The following GRK1 variants were observed in gnomAD, a reference collection of about 807,000 sequenced individuals.
GRK1 encodes rhodopsin kinase GRK1.
Under a neutral mutation model 41.7 loss-of-function variants are expected in GRK1, and 28 were observed. That is an observed-to-expected ratio of 0.67 (90% confidence interval 0.50 to 0.92). GRK1 has a LOEUF of 0.92. GRK1 is among the 40% of genes least tolerant of loss of function. The pLI is 0.00. For synonymous variants in GRK1, 327 were observed against 286.7 expected, an observed-to-expected ratio of 1.14 and a Z score of -1.42; for missense variants, 703 against 671.2, an observed-to-expected ratio of 1.05 and a Z score of -0.52.
intron 4 of GRK1, among the ~76,000 whole-genome samples, chr13:113,727,409 TCTGTGGCCTGTAGG>T (rs1412848447): frequency 2.0e-5 from 3 of 151,718 alleles, no homozygotes; most frequent in Non-Finnish European, 2.9e-5. Context: ...TGGTCTGTGA[TCTGTGGCCTGTAGG>T]CTGTGGCCTG....
At position 113,671,424 on chromosome 13, in the gene GRK1, G is replaced by C; in HGVS notation, c.828-75G>C. On this transcript the variant is annotated intron_variant, in intron 2 of 6. Coordinates refer to ENST00000335678, the MANE Select transcript of GRK1 (RefSeq NM_002929.3). The surrounding 1 kb of genome is among the most constrained non-coding windows in gnomAD (Gnocchi z 4.1). Reference sequence around the variant, plus strand: ...GCTGGCCGAGAGACATGGTTCTGAGGCCCCAGCTCTGTCTTTCCATGATTT... The same window carrying C: ...GCTGGCCGAGAGACATGGTTCTGAGCCCCCAGCTCTGTCTTTCCATGATTT... The C allele has an allele frequency of 1.3e-6, 1 of 764,114 alleles. No individual in the cohort carries two copies. The allele number at this position is 764,114 out of a possible 1,614,324, so 47.3% of individuals were successfully genotyped here. A position where few individuals can be genotyped will look rare whatever the true frequency, so the allele number is the denominator to read the frequency against.
At chr13:113,657,169 G>A in the GRK1 span, among the ~76,000 whole-genome samples, 1 of 152,148 alleles carries the variant, frequency 6.6e-6, no homozygotes, top group African/African-American at 2.4e-5. Context: ...CACAGGTGGG[G>A]CGGGCCTGGG....
At chr13:113,654,908 C>T in the GRK1 span, 1 of 1,614,218 alleles carries the variant, frequency 6.2e-7, no homozygotes, top group Admixed American at 1.7e-5. Context: ...CAGTCATCAC[C>T]ACGTAGAAGG....
At chr13:113,724,629 G>A (rs2140723407) in intron 4 of GRK1, among the ~76,000 whole-genome samples, 1 of 152,356 alleles carries the variant, frequency 6.6e-6, no homozygotes, top group African/African-American at 2.4e-5. Flanking sequence ...TCATGGCTGG[G>A]TTGCCATCTG....
chr13:113,667,609 T>TTCCTACAATC lies in GRK1; in HGVS notation c.224_233dup (p.Ala79ProfsTer21). On this transcript the variant is annotated frameshift_variant, in exon 1 of 7. Transcript: ENST00000335678. LOFTEE classifies it high-confidence loss of function. This position sits in a 1 kb window ranked among gnomAD's most constrained non-coding sequence, Gnocchi z 7.5. ...CATCGGCAAGAAGCTCTTTCAGCAG[T>TTCCTACAATC]TCCTACAATCGGCAGAGAAGCACCT... The TTCCTACAATC allele has an allele frequency of 6.2e-7, 1 of 1,613,502 alleles. No individual in the cohort carries two copies. The highest frequency in any genetic ancestry group is 8.5e-7 in the Non-Finnish European group (1 of 1,179,866).
chr13:113,659,501 A>G, the GRK1 span, among the ~76,000 whole-genome samples: 1 of 152,306 alleles, frequency 6.6e-6, no homozygotes, highest in African/African-American at 2.4e-5. Context: ...GATAATTTAG[A>G]GTTTGCAAAA....
the GRK1 span, chr13:113,652,967 A>G: frequency 6.2e-7 from 1 of 1,614,212 alleles, no homozygotes; most frequent in Non-Finnish European, 8.5e-7. Flanking sequence ...ATCTGCCGTG[A>G]ACTTGCAGGA....
rs2049935312 is a variant in GRK1, at chr13:113,731,285, G to A, written c.1136G>A (p.Gly379Glu). 11 of 1,537,134 alleles carry A rather than the reference G, an allele frequency of 7.2e-6. No individual in the cohort carries two copies. The highest frequency in any genetic ancestry group is 9.6e-6 in the Non-Finnish European group (11 of 1,146,872). The change falls in exon 5 of 7, where the codon GGG (glycine) becomes GAG (glutamate). Residue 379 changes from glycine (G) to glutamate (E), a missense_variant. Physicochemically the swap from Gly to Glu is moderately conservative, Grantham distance 98. Coordinates refer to ENST00000335678, the MANE Select transcript of GRK1 (RefSeq NM_002929.3). The surrounding 1 kb of genome is among the most constrained non-coding windows in gnomAD (Gnocchi z 5.6). Reference sequence around the variant, plus strand: ...TTCTCCGTGGACTACTTTGCCCTGGGGGTCACCCTGTATGAGATGATTGCG... The same window carrying A: ...TTCTCCGTGGACTACTTTGCCCTGGAGGTCACCCTGTATGAGATGATTGCG... ...YDFSVDYFAL[G>E]VTLYEMIAAR...
the GRK1 span, chr13:113,650,266 C>T: frequency 2.0e-5 from 15 of 764,762 alleles, no homozygotes; most frequent in Middle Eastern, 2.6e-4. This position sits in a 1 kb window ranked among gnomAD's most constrained non-coding sequence, Gnocchi z 5.0. Flanking sequence ...TTGGGAAACA[C>T]GCAGAACGTT....
At position 113,669,576 on chromosome 13, in the gene GRK1, A is replaced by G. The variant is rs2049842261; in HGVS notation, c.700-111A>G. ...AAGGCGCATTTAAAGCATGTTTGCG[A>G]CTGCTCCGTGGCTGTGTGCAGTGGG... On this transcript the variant is annotated intron_variant, in intron 1 of 6. Coordinates refer to ENST00000335678, the MANE Select transcript of GRK1 (RefSeq NM_002929.3). The G allele has an allele frequency of 3.8e-6, 5 of 1,332,368 alleles. No homozygotes were observed. The Admixed American group carries it at 8.9e-5, about 24-fold the overall frequency. 82.5% of individuals were successfully genotyped at this position (1,332,368 alleles called of 1,614,324 possible).
chr13:113,733,605 G>A lies in GRK1; in HGVS notation c.1396+520G>A, dbSNP rs377520052. On this transcript the variant is annotated intron_variant, in intron 6 of 6. Transcript: ENST00000335678. The stretch of plus-strand genomic sequence containing the variant: ...TGCATACGTGTGTGTGCATGTGTGC[G>A]CATGTGTATGTGTGTGCATACGTGT... Among the ~76,000 whole-genome samples the A allele has an allele frequency of 6.5e-3, 980 of 150,162 alleles. 12 individuals are homozygous for A. Among genetic ancestry groups the A allele is most frequent in the African/African-American group, 0.022 (899 of 40,428 alleles).
the GRK1 span, chr13:113,649,492 A>T: frequency 2.6e-6 from 4 of 1,551,052 alleles, no homozygotes; most frequent in African/African-American, 5.5e-5. The surrounding 1 kb of genome is among the most constrained non-coding windows in gnomAD (Gnocchi z 4.7). Flanking sequence ...GTTCCTGGGG[A>T]TGTTGAGGAG....
At chr13:113,723,278 A>C in intron 4 of GRK1, 121 bp downstream of exon 4, 2 of 524,998 alleles carry the variant, frequency 3.8e-6, no homozygotes, top group Non-Finnish European at 7.1e-6. Flanking sequence ...GTCTGTGTGC[A>C]CATGGGCGTC....
upstream of GRK1, among the ~76,000 whole-genome samples, chr13:113,665,251 G>A (rs1354355306): frequency 5.3e-5 from 8 of 152,150 alleles, no homozygotes; most frequent in East Asian, 1.9e-4. Flanking sequence ...CCTTTATTGA[G>A]TACCTACTGT....
chr13:113,733,150 GC>G, intron 6 of GRK1, 65 bp downstream of exon 6: 1 of 1,448,260 alleles, frequency 6.9e-7, no homozygotes, highest in Non-Finnish European at 9.2e-7. Flanking sequence ...TTGGGTGTCC[GC>G]CCGGTCCAGC....
the GRK1 span, chr13:113,651,654 C>A: frequency 6.9e-6 from 11 of 1,596,692 alleles, no homozygotes; most frequent in Non-Finnish European, 9.4e-6. Flanking sequence ...CCCTGCCCGC[C>A]GCGCGGCCGT....
intron 6 of GRK1, among the ~76,000 whole-genome samples, chr13:113,733,651 A>T (rs368232787): frequency 1.1e-5 from 1 of 91,672 alleles, no homozygotes; most frequent in African/African-American, 4.4e-5. Context: ...ATGTGTGCAT[A>T]CGTGTGTGTG....
In GRK1 at chr13:113,669,775, T is replaced by A. The variant is rs1421011939; in HGVS notation, c.788T>A (p.Leu263His). 1 of 1,613,962 alleles carries A rather than the reference T, an allele frequency of 6.2e-7. No individual in the cohort carries two copies. Among genetic ancestry groups the A allele is most frequent in the Admixed American group, 1.7e-5 (1 of 60,030 alleles). Residue 263 changes from leucine to histidine, a missense_variant, in exon 2 of 7, where the codon CTC (leucine) becomes CAC (histidine). Leu to His is a moderately conservative substitution (Grantham distance 99). Coordinates refer to ENST00000335678, the MANE Select transcript of GRK1 (RefSeq NM_002929.3). ...LAYAFETKAD[L>H]CLVMTIMNGG... is the part of the protein sequence containing the mutation. ...TATGCGTTTGAAACCAAAGCCGACC[T>A]CTGTCTGGTGATGACCATCATGAAC... is the stretch of plus-strand genomic sequence containing the variant.
intron 1 of GRK1, among the ~76,000 whole-genome samples, 188 bp downstream of exon 1, chr13:113,668,273 T>C (rs780510213): frequency 6.6e-6 from 1 of 152,352 alleles, no homozygotes; most frequent in South Asian, 2.1e-4. Flanking sequence ...TTCCAGTCCA[T>C]GTGCAGAAGT....
Sources: allele counts gnomAD v4.1 joint callset (sites outside exome capture counted in the v4.1 genomes callset), GRCh38; gene constraint gnomAD v4.1.1; non-coding constraint Gnocchi (gnomAD v3.1); transcripts MANE v1.5; gene names NCBI Gene and HGNC (gene_info 2026-07-23, HGNC 2026-07-21).